AP4S1: variants seen among roughly 807,000 people sequenced by gnomAD.
AP4S1 encodes adaptor related protein complex 4 subunit sigma 1.
A neutral mutation model predicts 19.8 loss-of-function variants in AP4S1; 23 were observed. The observed-to-expected ratio is 1.16, with a 90% CI of 0.84 to 1.65. AP4S1 has a LOEUF of 1.65. Among genes scored for constraint, AP4S1 ranks in the 40% most tolerant of loss-of-function variants. The pLI, the probability that AP4S1 is intolerant of heterozygous loss-of-function variation, is 0.00. For missense variants in AP4S1, 166 were observed against 172.8 expected (o/e 0.96, Z 0.22); for synonymous variants, 46 against 54.1 (o/e 0.85, Z 0.66).
chr14:31,092,444 G>A (rs1186530332), intron 5 of AP4S1, among the ~76,000 whole-genome samples: 1 of 152,156 alleles, frequency 6.6e-6, no homozygotes, highest in Non-Finnish European at 1.5e-5. Context: ...TTGATCCTGG[G>A]TAAACTGAGG....
At chr14:31,092,537 G>A (rs115545880) in intron 5 of AP4S1, among the ~76,000 whole-genome samples, 122 of 152,028 alleles carry the variant, frequency 8.0e-4, no homozygotes, top group African/African-American at 2.8e-3. Flanking sequence ...TCAACAAATC[G>A]TTGCTACTGT....
intron 2 of AP4S1, among the ~76,000 whole-genome samples, chr14:31,069,260 A>G (rs1434990369): frequency 6.6e-6 from 1 of 152,214 alleles, no homozygotes; most frequent in East Asian, 1.9e-4. Context: ...ATTAATTCAT[A>G]TGAAGCAATG....
intron 5 of AP4S1, among the ~76,000 whole-genome samples, chr14:31,082,364 A>C (rs570692318): frequency 6.6e-6 from 1 of 152,334 alleles, no homozygotes; most frequent in Non-Finnish European, 1.5e-5. Context: ...TCAACATGTA[A>C]TATTCTATCT....
intron 1 of AP4S1, among the ~76,000 whole-genome samples, chr14:31,050,456 A>C (rs961280125): frequency 6.6e-6 from 1 of 152,148 alleles, no homozygotes; most frequent in African/African-American, 2.4e-5. Flanking sequence ...CTTTAAAAAA[A>C]ACTAACTTTT....
chr14:31,039,101 C>T (rs760675458), intron 1 of AP4S1, among the ~76,000 whole-genome samples: 39 of 152,024 alleles, frequency 2.6e-4, no homozygotes, highest in Non-Finnish European at 5.0e-4. Flanking sequence ...CTCCTGGGCT[C>T]ATGTGATCCT....
intron 1 of AP4S1, among the ~76,000 whole-genome samples, chr14:31,052,849 C>T (rs1385268213): frequency 6.7e-6 from 1 of 150,010 alleles, no homozygotes; most frequent in Admixed American, 6.7e-5. Flanking sequence ...TGTAAATATA[C>T]ATATCTATTT....
At chr14:31,062,593 G>A (rs1214912837) in intron 1 of AP4S1, among the ~76,000 whole-genome samples, 1 of 152,176 alleles carries the variant, frequency 6.6e-6, no homozygotes, top group Non-Finnish European at 1.5e-5. Context: ...CTGTGTTCTA[G>A]TTTAATATAC....
intron 1 of AP4S1, among the ~76,000 whole-genome samples, chr14:31,049,370 C>T (rs532291194): frequency 2.1e-4 from 29 of 141,238 alleles, no homozygotes; most frequent in Non-Finnish European, 4.3e-4. Context: ...GCCGAGATCG[C>T]ACCACTGCAC....
chr14:31,032,321 C>A (rs1415612472), intron 1 of AP4S1, among the ~76,000 whole-genome samples: 1 of 151,972 alleles, frequency 6.6e-6, no homozygotes. Flanking sequence ...CTATTTTGGA[C>A]CAGAGAGGAA....
Position 31,049,968 on chromosome 14 carries a change from C to T in AP4S1, c.-71-16158C>T, listed in dbSNP as rs529720197. The stretch of plus-strand genomic sequence containing the variant: ...GAGGAGTCTCCCTCTGTCGCCTAGA[C>T]TGGAGTGCAGTGGCATGATCTCGGC... On this transcript the variant is annotated intron_variant, in intron 1 of 5. Coordinates refer to ENST00000542754, the MANE Select transcript of AP4S1 (RefSeq NM_001128126.3). 7.0e-4 allele frequency among the ~76,000 whole-genome samples: 106 copies of T among 152,288 alleles called. 1 individual carries two copies. The highest frequency in any genetic ancestry group is 2.5e-3 in the African/African-American group (102 of 41,570).
chr14:31,059,133 T>A (rs1886292803), intron 1 of AP4S1, among the ~76,000 whole-genome samples: 1 of 152,192 alleles, frequency 6.6e-6, no homozygotes, highest in African/African-American at 2.4e-5. Context: ...GTAAAAATAG[T>A]TTACAGTTGT....
chr14:31,038,497 G>A (rs1405963897), intron 1 of AP4S1, among the ~76,000 whole-genome samples: 2 of 152,138 alleles, frequency 1.3e-5, no homozygotes, highest in African/African-American at 4.8e-5. Context: ...GGGTACAAAA[G>A]GTTGGATTTA....
intron 1 of AP4S1, among the ~76,000 whole-genome samples, chr14:31,029,628 G>C (rs1260724276): frequency 6.6e-6 from 1 of 151,954 alleles, no homozygotes; most frequent in Non-Finnish European, 1.5e-5. Flanking sequence ...GACCAACCTG[G>C]GCAACATGGC....
chr14:31,049,508 C>CACACACACACAT (rs1330588342), intron 1 of AP4S1, among the ~76,000 whole-genome samples: 8 of 141,004 alleles, frequency 5.7e-5, no homozygotes, highest in African/African-American at 2.1e-4. Flanking sequence ...CACACACACA[C>CACACACACACAT]ATAAATTACC....
chr14:31,095,390 C>G lies in AP4S1; in HGVS notation c.*2355C>G, dbSNP rs1291876277. 6.6e-6 allele frequency: 1 copy of G among 152,172 alleles called. No individual in the cohort carries two copies. Among genetic ancestry groups the G allele is most frequent in the East Asian group, 1.9e-4 (1 of 5,192 alleles). The allele number at this position is 152,172 out of a possible 1,614,324, so 9.4% of individuals were successfully genotyped here. ...GGATGGTCAGACATTAAGACAGCCCCAGAGAGCCCCTACAGCTATCCTTTA... is the reference window on the plus strand; with the variant it reads ...GGATGGTCAGACATTAAGACAGCCCGAGAGAGCCCCTACAGCTATCCTTTA... On this transcript the variant is annotated 3_prime_UTR_variant, in exon 6 of 6. Coordinates refer to ENST00000542754, the MANE Select transcript of AP4S1 (RefSeq NM_001128126.3).
At chr14:31,030,828 G>A (rs373938654) in intron 1 of AP4S1, among the ~76,000 whole-genome samples, 3 of 152,078 alleles carry the variant, frequency 2.0e-5, no homozygotes, top group Non-Finnish European at 2.9e-5. Flanking sequence ...GTCCTGATCC[G>A]TCTTGAAACT....
At chr14:31,068,006 T>A (rs1045858218) in intron 2 of AP4S1, among the ~76,000 whole-genome samples, 1 of 151,864 alleles carries the variant, frequency 6.6e-6, no homozygotes, top group African/African-American at 2.4e-5. Flanking sequence ...GTAGCTGGGA[T>A]TACAGGCATG....
At chr14:31,049,428 A>AAAAAAAATATATATATATATATAT (rs1384450221) in intron 1 of AP4S1, among the ~76,000 whole-genome samples, 1 of 57,764 alleles carries the variant, frequency 1.7e-5, no homozygotes, top group Non-Finnish European at 2.9e-5. Flanking sequence ...AAAAAAAAAA[A>AAAAAAAATATATATATATATATAT]ATATATATAT....
At chr14:31,060,317 C>T (rs1886367365) in intron 1 of AP4S1, among the ~76,000 whole-genome samples, 1 of 151,998 alleles carries the variant, frequency 6.6e-6, no homozygotes, top group Non-Finnish European at 1.5e-5. Context: ...CTTGAGTATG[C>T]ACGGATTTGG....
Sources: gnomAD v4.1 joint callset for allele counts (sites outside exome capture counted in the v4.1 genomes callset) on GRCh38, gnomAD v4.1.1 for gene constraint, MANE v1.5 for transcripts, NCBI Gene and HGNC (gene_info 2026-07-23, HGNC 2026-07-21) for gene names.